RSRC1: variants seen among roughly 807,000 people sequenced by gnomAD.
RSRC1 encodes arginine and serine rich coiled-coil 1.
RSRC1 carries 39 observed loss-of-function variants against 49.1 expected under a neutral mutation model. The observed-to-expected ratio is 0.79, with a 90% confidence interval of 0.61 to 1.04. RSRC1 has a LOEUF of 1.04. Ranked by LOEUF, RSRC1 falls within the 50% of genes least tolerant of loss-of-function variation. RSRC1 has a pLI of 0.00. For missense variants in RSRC1, 388 were observed against 402.4 expected, an observed-to-expected ratio of 0.96 and a Z score of 0.31; for synonymous variants, 143 against 130.8, an observed-to-expected ratio of 1.09 and a Z score of -0.63.
In RSRC1 at chr3:158,246,250, G is replaced by T. The variant is rs542351969; in HGVS notation, c.494+43005G>T. Among the ~76,000 whole-genome samples, 11 of 150,930 alleles carry T rather than the reference G, an allele frequency of 7.3e-5. No homozygotes were observed. The East Asian group carries it at 2.2e-3, about 30-fold the overall frequency. ...CATCACACACCAGGGCCTGTTGTGG[G>T]GTGCGGGGAGGGGGGAGGGATGGCA... On this transcript the variant is annotated intron_variant, in intron 4 of 9. Coordinates refer to ENST00000611884, the MANE Select transcript of RSRC1 (RefSeq NM_001271838.2).
chr3:158,343,849 A>C (rs1311169224), intron 5 of RSRC1, among the ~76,000 whole-genome samples: 1 of 152,206 alleles, frequency 6.6e-6, no homozygotes, highest in East Asian at 1.9e-4. Flanking sequence ...TACAATATAC[A>C]TGGAGTTGCC....
At chr3:158,285,701 A>G (rs1010634662) in intron 4 of RSRC1, among the ~76,000 whole-genome samples, 38 of 151,922 alleles carry the variant, frequency 2.5e-4, no homozygotes, top group African/African-American at 8.0e-4. Flanking sequence ...TTTGTCTGTT[A>G]TTGGTGTATA....
chr3:158,337,193 G>A (rs924597195), intron 5 of RSRC1, among the ~76,000 whole-genome samples: 3 of 152,090 alleles, frequency 2.0e-5, no homozygotes, highest in African/African-American at 4.8e-5. Context: ...CGCGGAGAGC[G>A]AAGACATTCC....
chr3:158,201,606 A>G (rs972691342), intron 3 of RSRC1, among the ~76,000 whole-genome samples: 2 of 152,108 alleles, frequency 1.3e-5, no homozygotes, highest in Admixed American at 1.3e-4. Flanking sequence ...ATGTATACAG[A>G]TTCTTTCCTC....
At chr3:158,215,969 C>G (rs1721922824) in intron 4 of RSRC1, among the ~76,000 whole-genome samples, 1 of 151,422 alleles carries the variant, frequency 6.6e-6, no homozygotes, top group Non-Finnish European at 1.5e-5. Flanking sequence ...CTTTGAGCTT[C>G]TGCTTGAGAT....
intron 6 of RSRC1, among the ~76,000 whole-genome samples, chr3:158,447,680 A>AT (rs1185470800): frequency 1.3e-5 from 2 of 151,948 alleles, no homozygotes; most frequent in African/African-American, 4.8e-5. Flanking sequence ...TGTCTGACAC[A>AT]TAGATGTAGG....
chr3:158,496,272 A>C (rs1423082342), intron 7 of RSRC1, among the ~76,000 whole-genome samples: 1 of 152,158 alleles, frequency 6.6e-6, no homozygotes, highest in Non-Finnish European at 1.5e-5. Context: ...CTGTTTAAAC[A>C]GGATAGACTA....
rs59199590 is a variant in RSRC1, at chr3:158,293,529, A to G, written c.495-4510A>G. Among the ~76,000 whole-genome samples the G allele has an allele frequency of 4.3e-3, 661 of 152,138 alleles. 6 individuals are homozygous for G. The highest frequency in any genetic ancestry group is 0.015 in the African/African-American group (637 of 41,536). Reference sequence around the variant, plus strand: ...TCTGAAAATCTTTTCTGGGATTTCAATTCCAGATGATTATGGGTGAACTTT... The same window carrying G: ...TCTGAAAATCTTTTCTGGGATTTCAGTTCCAGATGATTATGGGTGAACTTT... On this transcript the variant is annotated intron_variant, in intron 4 of 9. Coordinates refer to ENST00000611884, the MANE Select transcript of RSRC1 (RefSeq NM_001271838.2).
At chr3:158,490,216 T>G (rs751232822) in intron 7 of RSRC1, among the ~76,000 whole-genome samples, 1 of 152,020 alleles carries the variant, frequency 6.6e-6, no homozygotes, top group Non-Finnish European at 1.5e-5. Flanking sequence ...TCCCGAGTAG[T>G]TGGTACTACA....
intron 4 of RSRC1, among the ~76,000 whole-genome samples, chr3:158,293,420 T>C (rs1727058742): frequency 6.6e-6 from 1 of 152,052 alleles, no homozygotes; most frequent in Admixed American, 6.6e-5. Context: ...ATGGGAAACC[T>C]TTTTTTGGGA....
At chr3:158,265,495 G>T (rs1173850841) in intron 4 of RSRC1, among the ~76,000 whole-genome samples, 1 of 152,036 alleles carries the variant, frequency 6.6e-6, no homozygotes, top group Non-Finnish European at 1.5e-5. Context: ...GCCGGGCGTG[G>T]TAACGGACAC....
intron 4 of RSRC1, among the ~76,000 whole-genome samples, chr3:158,248,065 C>G (rs928392583): frequency 6.6e-6 from 1 of 152,152 alleles, no homozygotes; most frequent in East Asian, 1.9e-4. Context: ...CATTCCTCTT[C>G]GAGAGTGCTT....
chr3:158,408,808 G>A (rs1205244776), intron 6 of RSRC1, among the ~76,000 whole-genome samples: 3 of 152,020 alleles, frequency 2.0e-5, no homozygotes, highest in African/African-American at 7.2e-5. Flanking sequence ...AAGGTAGGGG[G>A]ATCACTTGAG....
At chr3:158,145,418 G>A (rs1189073902) in intron 3 of RSRC1, among the ~76,000 whole-genome samples, 10 of 152,110 alleles carry the variant, frequency 6.6e-5, no homozygotes, top group Admixed American at 5.9e-4. Context: ...TTTTTGTCAG[G>A]TTTGTCAAAG....
At chr3:158,196,435 G>A (rs879543125) in intron 3 of RSRC1, among the ~76,000 whole-genome samples, 8 of 152,170 alleles carry the variant, frequency 5.3e-5, no homozygotes, top group African/African-American at 7.2e-5. Flanking sequence ...ATACAATCAC[G>A]TCATCTGCAA....
Position 158,343,781 on chromosome 3 carries a change from AAAAAG to A in RSRC1, c.532-11073_532-11069del, listed in dbSNP as rs1730388474. ...AACTATCCAAAATGAAACTAGAGAG[AAAAAG>A]AAGGCTTAGAAGAGCATTTGTGAGT... On this transcript the variant is annotated intron_variant, in intron 5 of 9. Coordinates refer to ENST00000611884, the MANE Select transcript of RSRC1 (RefSeq NM_001271838.2). 2.6e-5 allele frequency among the ~76,000 whole-genome samples: 4 copies of A among 152,272 alleles called. No homozygotes were observed. The East Asian group carries it at 7.7e-4, about 29-fold the overall frequency.
chr3:158,302,098 G>A (rs1727585622), intron 5 of RSRC1, among the ~76,000 whole-genome samples: 1 of 149,664 alleles, frequency 6.7e-6, no homozygotes, highest in Non-Finnish European at 1.5e-5. Flanking sequence ...AAATTACTGT[G>A]TGTATCATTA....
intron 6 of RSRC1, among the ~76,000 whole-genome samples, chr3:158,357,675 G>A (rs1239767793): frequency 3.3e-5 from 5 of 152,082 alleles, no homozygotes; most frequent in Non-Finnish European, 7.4e-5. Flanking sequence ...AGAAGAACTT[G>A]AGACCTGTCT....
intron 4 of RSRC1, among the ~76,000 whole-genome samples, chr3:158,269,866 C>A (rs912291958): frequency 2.6e-5 from 4 of 152,012 alleles, no homozygotes; most frequent in Non-Finnish European, 5.9e-5. Context: ...CTTTTGATAT[C>A]TTGAAGATAT....
Sources: gnomAD v4.1 joint callset for allele counts (sites outside exome capture counted in the v4.1 genomes callset) on GRCh38, gnomAD v4.1.1 for gene constraint, MANE v1.5 for transcripts, NCBI Gene and HGNC (gene_info 2026-07-23, HGNC 2026-07-21) for gene names.